Variants in STPG2 observed in about 807,000 individuals in gnomAD.
The protein encoded by STPG2 is sperm tail PG-rich repeat containing 2.
A neutral mutation model predicts 54.2 loss-of-function variants in STPG2; 56 were observed. The ratio of observed to expected loss-of-function variants is 1.03; its 90% CI spans 0.83 to 1.29. STPG2 has a LOEUF of 1.29. Ranked by LOEUF, STPG2 falls within the 50% of genes most tolerant of loss-of-function variation. STPG2 has a pLI of 0.00. For synonymous variants in STPG2, 200 were observed against 181.8 expected (o/e 1.10, Z -0.81); for missense variants, 596 against 544.9 (o/e 1.09, Z -0.93).
At chr4:97,514,251 A>AAG (rs1731031207) in intron 4 of STPG2, among the ~76,000 whole-genome samples, 1 of 152,082 alleles carries the variant, frequency 6.6e-6, no homozygotes, top group South Asian at 2.1e-4. Flanking sequence ...TGCATTACTG[A>AAG]AGAGAGAGAG....
chr4:97,757,391 T>C (rs1001387666), intron 9 of STPG2, among the ~76,000 whole-genome samples: 1 of 152,210 alleles, frequency 6.6e-6, no homozygotes, highest in Non-Finnish European at 1.5e-5. Context: ...GATGAGATAC[T>C]GTGATTAACA....
At position 97,806,845 on chromosome 4, in the gene STPG2, C is replaced by A. The variant is rs114610927; in HGVS notation, c.1204+33928G>T. ...AGCCTTTATCTTTAATCATAAGAAACCTTGTTTATCACAAAGATTGCTGCC... is the reference window on the plus strand; with the variant it reads ...AGCCTTTATCTTTAATCATAAGAAAACTTGTTTATCACAAAGATTGCTGCC... On this transcript the variant is annotated intron_variant, in intron 9 of 10. Transcript: ENST00000295268. 6.1e-3 allele frequency among the ~76,000 whole-genome samples: 927 copies of A among 152,144 alleles called. 10 individuals are homozygous for A. The highest frequency in any genetic ancestry group is 0.021 in the African/African-American group (886 of 41,526).
At chr4:97,830,670 A>G (rs1247088774) in intron 9 of STPG2, among the ~76,000 whole-genome samples, 13 of 152,170 alleles carry the variant, frequency 8.5e-5, no homozygotes. Flanking sequence ...AAATAAAGGG[A>G]TGGAGGAAGA....
At chr4:97,841,717 C>T (rs1728807490) in intron 8 of STPG2, among the ~76,000 whole-genome samples, 1 of 151,730 alleles carries the variant, frequency 6.6e-6, no homozygotes, top group Non-Finnish European at 1.5e-5. Flanking sequence ...TGGCACTAGA[C>T]TTCCTAGGTT....
intron 10 of STPG2, among the ~76,000 whole-genome samples, chr4:97,589,138 G>A (rs1289718699): frequency 6.6e-6 from 1 of 151,880 alleles, no homozygotes; most frequent in African/African-American, 2.4e-5. Flanking sequence ...ATCTCCAAGA[G>A]GAAAAATAAG....
intron 8 of STPG2, among the ~76,000 whole-genome samples, chr4:97,853,070 G>A (rs994638725): frequency 7.2e-6 from 1 of 139,172 alleles, no homozygotes; most frequent in African/African-American, 2.7e-5. Flanking sequence ...TCTGCCTCCC[G>A]GGTTCACGCC....
intron 4 of STPG2, among the ~76,000 whole-genome samples, chr4:97,466,228 A>G (rs1245153769): frequency 1.3e-5 from 2 of 152,056 alleles, no homozygotes; most frequent in African/African-American, 4.8e-5. Flanking sequence ...CGTAGAGTCT[A>G]TTTGTCTGAG....
At chr4:97,704,544 G>C (rs911660823) in intron 10 of STPG2, among the ~76,000 whole-genome samples, 1 of 152,108 alleles carries the variant, frequency 6.6e-6, no homozygotes, top group Admixed American at 6.6e-5. Flanking sequence ...TGAAGGAAAA[G>C]AATTAAAGCA....
intron 8 of STPG2, among the ~76,000 whole-genome samples, chr4:97,912,590 G>T (rs944251731): frequency 6.6e-6 from 1 of 152,144 alleles, no homozygotes; most frequent in South Asian, 2.1e-4. Flanking sequence ...TGACCTTTCT[G>T]AAATGAGACA....
At chr4:98,127,078 A>T (rs1042826418) in intron 3 of STPG2, among the ~76,000 whole-genome samples, 3 of 151,592 alleles carry the variant, frequency 2.0e-5, no homozygotes, top group Non-Finnish European at 4.4e-5. Flanking sequence ...TTAAATTTTT[A>T]AAATCATAAA....
intron 5 of STPG2, among the ~76,000 whole-genome samples, chr4:98,080,538 T>C (rs141479492): frequency 6.6e-6 from 1 of 152,348 alleles, no homozygotes; most frequent in African/African-American, 2.4e-5. Flanking sequence ...CAGTCACAAT[T>C]CATGTGAACA....
chr4:97,833,673 C>A (rs1728542910), intron 9 of STPG2, among the ~76,000 whole-genome samples: 1 of 151,994 alleles, frequency 6.6e-6, no homozygotes, highest in Non-Finnish European at 1.5e-5. Flanking sequence ...AAAAAAATAA[C>A]CCCATCAAAA....
intron 7 of STPG2, 39 bp downstream of exon 7, chr4:97,972,241 T>C (rs376239160): frequency 7.3e-6 from 10 of 1,372,422 alleles, no homozygotes; most frequent in Non-Finnish European, 9.8e-6. Flanking sequence ...GAGCTTGATA[T>C]TCAACATAAA....
chr4:98,058,344 C>G (rs1188279585), intron 5 of STPG2, among the ~76,000 whole-genome samples: 1 of 152,056 alleles, frequency 6.6e-6, no homozygotes, highest in Non-Finnish European at 1.5e-5. Flanking sequence ...CACATAGGCT[C>G]AAAATACAAG....
chr4:98,120,084 T>TTTTTG, intron 3 of STPG2, among the ~76,000 whole-genome samples: 1 of 148,246 alleles, frequency 6.7e-6, no homozygotes, highest in Admixed American at 6.6e-5. Context: ...TTTGTTTTTG[T>TTTTTG]TTTTGTTTTT....
intron 5 of STPG2, among the ~76,000 whole-genome samples, chr4:98,016,937 G>C (rs978898735): frequency 6.6e-6 from 1 of 152,202 alleles, no homozygotes; most frequent in African/African-American, 2.4e-5. Context: ...AGCCCACCAA[G>C]ATATTCAGTT....
rs60061976 is a variant in STPG2 at position 97,909,308 on chromosome 4, T to G, written c.1044+34589A>C. 3.5e-3 allele frequency among the ~76,000 whole-genome samples: 527 copies of G among 152,180 alleles called. 3 individuals are homozygous for G. Among genetic ancestry groups the G allele is most frequent in the African/African-American group, 0.012 (509 of 41,552 alleles). ...GAAGAAAAAAATGAAAAATAATTTC[T>G]AAATCTACCAAATCTACCAAATTTA... On this transcript the variant is annotated intron_variant, in intron 8 of 10. Transcript: ENST00000295268.
At chr4:97,981,078 T>C in intron 6 of STPG2, 81 bp downstream of exon 6, 1 of 1,440,198 alleles carries the variant, frequency 6.9e-7, no homozygotes, top group South Asian at 1.4e-5. Flanking sequence ...GAAAACATAC[T>C]CTCTGGTGTA....
chr4:97,639,801 A>G (rs992358926), intron 10 of STPG2, among the ~76,000 whole-genome samples: 5 of 152,036 alleles, frequency 3.3e-5, no homozygotes, highest in African/African-American at 1.2e-4. Context: ...GGTTCCCAAA[A>G]GGAACCATTT....
Sources: allele counts gnomAD v4.1 joint callset (sites outside exome capture counted in the v4.1 genomes callset), GRCh38; gene constraint gnomAD v4.1.1; transcripts MANE v1.5; gene names NCBI Gene and HGNC (gene_info 2026-07-23, HGNC 2026-07-21).